Variants in LRP1B observed in about 807,000 individuals in gnomAD.
LRP1B encodes low-density lipoprotein receptor-related protein 1B.
In LRP1B, 217 loss-of-function variants were observed where a neutral mutation model predicts 556.6. The ratio of observed to expected loss-of-function variants is 0.39; its 90% CI spans 0.35 to 0.44. LRP1B has a LOEUF of 0.44. Among genes scored for constraint, LRP1B ranks in the 20% least tolerant of loss-of-function variants. The probability of loss-of-function intolerance (pLI) is 1.00; values close to 1 mark genes in which losing one functional copy is unlikely to be tolerated. For missense variants in LRP1B, 5,053 were observed against 5,620.8 expected (o/e 0.90, Z 3.23); for synonymous variants, 2,047 against 1,865.8 (o/e 1.10, Z -2.50).
At chr2:140,291,319 T>TATATATA (rs1553440647) in intron 84 of LRP1B, among the ~76,000 whole-genome samples, 3 of 57,420 alleles carry the variant, frequency 5.2e-5, no homozygotes, top group East Asian at 8.9e-4. Flanking sequence ...TATATATATA[T>TATATATA]TTTTATTATA....
At chr2:141,680,279 T>A (rs1691056015) in intron 2 of LRP1B, among the ~76,000 whole-genome samples, 1 of 152,140 alleles carries the variant, frequency 6.6e-6, no homozygotes, top group Admixed American at 6.6e-5. Context: ...TGAAGAATTG[T>A]GAAGTCAAGA....
intron 27 of LRP1B, among the ~76,000 whole-genome samples, chr2:140,865,147 T>A (rs1559163608): frequency 6.6e-6 from 1 of 151,982 alleles, no homozygotes; most frequent in Non-Finnish European, 1.5e-5. Context: ...ACCAAAGAGA[T>A]CTAAAATATA....
Position 140,776,256 on chromosome 2 carries a change from A to AT in LRP1B, c.5360-19dup, listed in dbSNP as rs775029184. ...TTTCTTATCTAGAAAAAGGAAAGAT[A>AT]TTTTTTAAAGGAAAGTATAATTATC... is the stretch of plus-strand genomic sequence containing the variant. On this transcript the variant is annotated intron_variant, in intron 32 of 90. Transcript: ENST00000389484. 6.5e-7 allele frequency: 1 copy of AT among 1,544,792 alleles called. No individual in the cohort carries two copies. Among genetic ancestry groups the AT allele is most frequent in the Non-Finnish European group, 8.8e-7 (1 of 1,142,264 alleles).
chr2:142,060,901 T>C (rs190517083), intron 1 of LRP1B, among the ~76,000 whole-genome samples: 1 of 152,106 alleles, frequency 6.6e-6, no homozygotes, highest in Non-Finnish European at 1.5e-5. Context: ...AGCATAACCG[T>C]GTATGTCCTA....
At chr2:140,610,742 T>C (rs950800788) in intron 41 of LRP1B, among the ~76,000 whole-genome samples, 1 of 152,128 alleles carries the variant, frequency 6.6e-6, no homozygotes, top group Admixed American at 6.6e-5. Flanking sequence ...CCCGCCACCA[T>C]GGCCGGCTAA....
intron 2 of LRP1B, among the ~76,000 whole-genome samples, chr2:141,627,229 T>C (rs10190730): frequency 0.13 from 19,621 of 152,284 alleles, 1,422 homozygotes; most frequent in African/African-American, 0.18. Flanking sequence ...AGCTATGACA[T>C]GCTGTGAAAA....
At chr2:141,266,737 C>T (rs529574415) in intron 3 of LRP1B, among the ~76,000 whole-genome samples, 43 of 152,174 alleles carry the variant, frequency 2.8e-4, no homozygotes, top group Admixed American at 5.2e-4. Context: ...TATTTAGAAA[C>T]ATTTTATTGT....
At chr2:141,762,128 T>G (rs536825697) in intron 2 of LRP1B, among the ~76,000 whole-genome samples, 4 of 152,214 alleles carry the variant, frequency 2.6e-5, no homozygotes, top group South Asian at 2.1e-4. Flanking sequence ...ATCCACTGAT[T>G]GGGTGAAGCT....
At chr2:141,469,107 G>T (rs897084896) in intron 3 of LRP1B, among the ~76,000 whole-genome samples, 1 of 152,082 alleles carries the variant, frequency 6.6e-6, no homozygotes, top group East Asian at 1.9e-4. Context: ...AAATAAATCT[G>T]GGTGATTTAC....
chr2:141,917,418 G>T (rs1574491075), intron 1 of LRP1B, among the ~76,000 whole-genome samples: 3 of 152,182 alleles, frequency 2.0e-5, no homozygotes, highest in Admixed American at 6.5e-5. Context: ...CCCACATTGA[G>T]CTACTGTAAT....
intron 35 of LRP1B, among the ~76,000 whole-genome samples, chr2:140,721,706 C>A (rs1266542676): frequency 8.4e-6 from 1 of 118,460 alleles, no homozygotes; most frequent in Non-Finnish European, 1.7e-5. Flanking sequence ...CACCAGCACA[C>A]CCGGCTATTT....
chr2:140,292,542 G>A (rs776111658), intron 84 of LRP1B, among the ~76,000 whole-genome samples: 8 of 151,990 alleles, frequency 5.3e-5, no homozygotes, highest in Admixed American at 1.3e-4. Context: ...CATCTCCTTA[G>A]CTTCTTGATT....
At chr2:141,235,933 A>T (rs1026355938) in intron 5 of LRP1B, among the ~76,000 whole-genome samples, 1 of 152,170 alleles carries the variant, frequency 6.6e-6, no homozygotes, top group African/African-American at 2.4e-5. Flanking sequence ...TTGAATGTCA[A>T]GATGATGAAC....
At chr2:141,715,615 G>A (rs146743282) in intron 2 of LRP1B, among the ~76,000 whole-genome samples, 3 of 152,066 alleles carry the variant, frequency 2.0e-5, no homozygotes, top group African/African-American at 4.8e-5. Context: ...AGGAGTTTGA[G>A]ACCAGCCTGA....
intron 17 of LRP1B, 57 bp from the exon 18 acceptor site, chr2:140,982,333 G>A: frequency 9.5e-7 from 1 of 1,057,604 alleles, no homozygotes; most frequent in Non-Finnish European, 1.5e-6. Flanking sequence ...GAACATCAAG[G>A]ATATAATTAA....
intron 1 of LRP1B, among the ~76,000 whole-genome samples, chr2:142,093,392 A>C (rs1484118654): frequency 6.6e-6 from 1 of 152,066 alleles, no homozygotes; most frequent in Non-Finnish European, 1.5e-5. Context: ...CCTTTATCTT[A>C]CTTTGATTTA....
At chr2:141,268,409 G>T (rs181813699) in intron 3 of LRP1B, among the ~76,000 whole-genome samples, 297 of 152,232 alleles carry the variant, frequency 2.0e-3, no homozygotes, top group African/African-American at 6.7e-3. Flanking sequence ...TAAGCCAGAG[G>T]TTGAAGATAA....
At chr2:141,968,580 A>T (rs2105069954) in intron 1 of LRP1B, among the ~76,000 whole-genome samples, 1 of 151,872 alleles carries the variant, frequency 6.6e-6, no homozygotes, top group East Asian at 1.9e-4. Context: ...GTGTATTTCT[A>T]TTCTAAGCAC....
At chr2:141,402,116 T>C (rs1690471214) in intron 3 of LRP1B, among the ~76,000 whole-genome samples, 1 of 152,218 alleles carries the variant, frequency 6.6e-6, no homozygotes, top group African/African-American at 2.4e-5. Context: ...AGGGTATCTG[T>C]ATGTTGGATT....
Sources: allele counts gnomAD v4.1 joint callset (sites outside exome capture counted in the v4.1 genomes callset), GRCh38; gene constraint gnomAD v4.1.1; transcripts MANE v1.5; gene names NCBI Gene and HGNC (gene_info 2026-07-23, HGNC 2026-07-21).